Variants in SV2C observed in about 807,000 individuals in gnomAD.
The protein encoded by SV2C is synaptic vesicle glycoprotein 2C.
A neutral mutation model predicts 79.7 loss-of-function variants in SV2C; 49 were observed. That is an observed-to-expected ratio of 0.61 (90% CI 0.49 to 0.78). The LOEUF (loss-of-function observed/expected upper bound fraction) is 0.78, where lower values mean the gene tolerates loss of function less well. Among genes scored for constraint, SV2C ranks in the 30% least tolerant of loss-of-function variants. The pLI, the probability that SV2C is intolerant of heterozygous loss-of-function variation, is 0.00. For missense variants in SV2C, 833 were observed against 912.9 expected, an observed-to-expected ratio of 0.91 and a Z score of 1.13; for synonymous variants, 334 against 333.2, an observed-to-expected ratio of 1.00 and a Z score of -0.03.
At chr5:75,962,166 A>G in the SV2C span, among the ~76,000 whole-genome samples, 4 of 152,120 alleles carry the variant, frequency 2.6e-5, no homozygotes, top group African/African-American at 9.7e-5. Context: ...ATTTAGGGTT[A>G]TAAATTATTC....
intron 1 of SV2C, among the ~76,000 whole-genome samples, chr5:76,099,224 T>G (rs1467033393): frequency 6.6e-6 from 1 of 152,180 alleles, no homozygotes; most frequent in Non-Finnish European, 1.5e-5. Context: ...AATTGGGTAC[T>G]ACAAAATTTA....
At chr5:76,340,904 A>C (rs1034154063) in intron 12 of SV2C, among the ~76,000 whole-genome samples, 2 of 147,176 alleles carry the variant, frequency 1.4e-5, no homozygotes, top group African/African-American at 2.5e-5. Flanking sequence ...GTCACTGTGC[A>C]CCTGGCCTAG....
the SV2C span, among the ~76,000 whole-genome samples, chr5:76,026,223 C>CAT: frequency 2.8e-5 from 4 of 141,068 alleles, no homozygotes; most frequent in African/African-American, 9.9e-5. Context: ...CACACACACA[C>CAT]ACACACACAC....
the SV2C span, among the ~76,000 whole-genome samples, chr5:76,015,832 G>T: frequency 3.9e-5 from 6 of 152,112 alleles, no homozygotes; most frequent in African/African-American, 1.4e-4. Context: ...TTACAGAGAA[G>T]CTAGAGAATA....
At chr5:76,113,736 A>C (rs1580275874) in intron 1 of SV2C, among the ~76,000 whole-genome samples, 1 of 152,190 alleles carries the variant, frequency 6.6e-6, no homozygotes, top group East Asian at 1.9e-4. Context: ...TACCTCGGGG[A>C]AAGGAACTCC....
At chr5:75,999,022 G>A in the SV2C span, among the ~76,000 whole-genome samples, 1 of 152,134 alleles carries the variant, frequency 6.6e-6, no homozygotes, top group Non-Finnish European at 1.5e-5. Flanking sequence ...CAGAAGGCAA[G>A]GAGGAGCAAG....
upstream of SV2C, chr5:76,079,541 T>A (rs1201450557): frequency 6.7e-6 from 2 of 300,244 alleles, no homozygotes; most frequent in African/African-American, 4.5e-5. Context: ...AGATTCCATG[T>A]GGGAGTTTCT....
chr5:76,212,665 T>A (rs1404091768), intron 4 of SV2C, among the ~76,000 whole-genome samples: 3 of 152,144 alleles, frequency 2.0e-5, no homozygotes, highest in Admixed American at 2.0e-4. Flanking sequence ...CTGGCCTTCT[T>A]AAACACGTAA....
At chr5:75,980,136 G>A in the SV2C span, among the ~76,000 whole-genome samples, 5 of 151,978 alleles carry the variant, frequency 3.3e-5, no homozygotes, top group Non-Finnish European at 7.4e-5. Context: ...ATAAATTCTC[G>A]GACACATACA....
chr5:75,853,628 A>AT, the SV2C span, among the ~76,000 whole-genome samples: 1 of 146,346 alleles, frequency 6.8e-6, no homozygotes, highest in Non-Finnish European at 1.5e-5. Flanking sequence ...AAAAAAAAAA[A>AT]AAAGAATTTT....
chr5:76,277,244 C>A (rs1044722296), intron 4 of SV2C, among the ~76,000 whole-genome samples: 1 of 152,182 alleles, frequency 6.6e-6, no homozygotes, highest in Admixed American at 6.5e-5. Flanking sequence ...CCATTCCACT[C>A]CTACATATTT....
At chr5:76,094,425 CTT>C (rs1422175014) in intron 1 of SV2C, among the ~76,000 whole-genome samples, 4 of 152,046 alleles carry the variant, frequency 2.6e-5, no homozygotes, top group Non-Finnish European at 5.9e-5. Context: ...AGTATGTACT[CTT>C]GTGTCTGTTT....
At chr5:75,983,680 G>A in the SV2C span, among the ~76,000 whole-genome samples, 4 of 151,976 alleles carry the variant, frequency 2.6e-5, no homozygotes, top group Non-Finnish European at 5.9e-5. Context: ...GAACAATGGC[G>A]GTTGTAGGAC....
chr5:76,223,759 T>A (rs1745161000), intron 4 of SV2C, among the ~76,000 whole-genome samples: 2 of 152,064 alleles, frequency 1.3e-5, no homozygotes, highest in Non-Finnish European at 2.9e-5. Flanking sequence ...CATACCTGTC[T>A]TAATCTGCTC....
chr5:76,174,465 C>T (rs1383917129), intron 2 of SV2C, among the ~76,000 whole-genome samples: 1 of 152,188 alleles, frequency 6.6e-6, no homozygotes, highest in Non-Finnish European at 1.5e-5. Context: ...ATCAGGCCTG[C>T]AATGTGTGTC....
At chr5:76,336,987 A>G (rs554311496), downstream of SV2C, among the ~76,000 whole-genome samples, 3 of 152,276 alleles carry the variant, frequency 2.0e-5, no homozygotes, top group South Asian at 2.1e-4. Flanking sequence ...TGAAATTCCT[A>G]ATAATCAGTG....
the SV2C span, among the ~76,000 whole-genome samples, chr5:75,935,837 G>A: frequency 2.6e-5 from 4 of 152,014 alleles, no homozygotes; most frequent in African/African-American, 9.7e-5. Context: ...ATAGCTACAG[G>A]TTTTCTATTC....
chr5:76,208,141 G>A (rs1271128653), intron 3 of SV2C, among the ~76,000 whole-genome samples: 1 of 152,126 alleles, frequency 6.6e-6, no homozygotes, highest in East Asian at 1.9e-4. Flanking sequence ...TAAAGTTTGT[G>A]AATTTTAAAC....
intron 12 of SV2C, among the ~76,000 whole-genome samples, chr5:76,351,061 A>T (rs1749632718): frequency 6.6e-6 from 1 of 151,908 alleles, no homozygotes; most frequent in African/African-American, 2.4e-5. Flanking sequence ...ACAAAACAGG[A>T]TGATGCATCT....
Sources: gnomAD v4.1 joint callset for allele counts (sites outside exome capture counted in the v4.1 genomes callset) on GRCh38, gnomAD v4.1.1 for gene constraint, MANE v1.5 for transcripts, NCBI Gene and HGNC (gene_info 2026-07-23, HGNC 2026-07-21) for gene names.